Variants in CSMD3 observed in about 807,000 individuals in gnomAD.
CSMD3 encodes the protein CUB and sushi domain-containing protein 3.
In CSMD3, 177 loss-of-function variants were observed where a neutral mutation model predicts 435.2. The ratio of observed to expected loss-of-function variants is 0.41; its 90% CI spans 0.36 to 0.46. The LOEUF (loss-of-function observed/expected upper bound fraction) is 0.46. Among genes scored for constraint, CSMD3 ranks in the 20% least tolerant of loss-of-function variants. CSMD3 has a pLI of 0.34. For missense variants in CSMD3, 4,265 were observed against 4,504.6 expected (o/e 0.95, Z 1.52); for synonymous variants, 1,656 against 1,520.5 (o/e 1.09, Z -2.07).
intron 3 of CSMD3, among the ~76,000 whole-genome samples, chr8:113,247,534 A>G (rs1283412956): frequency 6.6e-6 from 1 of 152,128 alleles, no homozygotes; most frequent in African/African-American, 2.4e-5. Context: ...TTGTGAATAA[A>G]CACACCAGAT....
intron 10 of CSMD3, among the ~76,000 whole-genome samples, chr8:112,917,816 T>A (rs2082618240): frequency 6.6e-6 from 1 of 152,030 alleles, no homozygotes; most frequent in African/African-American, 2.4e-5. Flanking sequence ...CAATTTTATC[T>A]CACTCTACAT....
chr8:112,599,186 ACC>A, intron 22 of CSMD3, among the ~76,000 whole-genome samples: 2 of 147,574 alleles, frequency 1.4e-5, no homozygotes, highest in Non-Finnish European at 3.0e-5. Flanking sequence ...AAAAAAAACA[ACC>A]CCATCAAAAA....
rs2130634301 is a variant in CSMD3, at chr8:112,921,836, G to A, written c.1509-85C>T. On this transcript the variant is annotated intron_variant, in intron 9 of 70. Coordinates refer to ENST00000297405, the MANE Select transcript of CSMD3 (RefSeq NM_198123.2). Reference sequence around the variant, plus strand: ...TCACTTCTGCTGGCAATATCCAATAGGTCAAATATGTACTATAGTGACAAA... The same window carrying A: ...TCACTTCTGCTGGCAATATCCAATAAGTCAAATATGTACTATAGTGACAAA... The A allele has an allele frequency of 1.2e-5, 12 of 1,009,846 alleles. No homozygotes were observed. In the Middle Eastern group the frequency reaches 6.1e-4, roughly 52 times the overall value. The allele number at this position is 1,009,846 out of a possible 1,614,324, so 62.6% of individuals were successfully genotyped here.
At chr8:113,322,636 T>A (rs1321970091) in intron 1 of CSMD3, among the ~76,000 whole-genome samples, 1 of 152,194 alleles carries the variant, frequency 6.6e-6, no homozygotes, top group Non-Finnish European at 1.5e-5. Flanking sequence ...ACTGCTAAAA[T>A]TTTGATTGGG....
At chr8:113,146,483 C>G (rs1400196974) in intron 4 of CSMD3, among the ~76,000 whole-genome samples, 1 of 151,502 alleles carries the variant, frequency 6.6e-6, no homozygotes, top group Admixed American at 6.6e-5. Flanking sequence ...AAAAGCCTAA[C>G]TGGAATATAT....
chr8:113,410,975 A>AAGG (rs2094556984), intron 1 of CSMD3, among the ~76,000 whole-genome samples: 3 of 144,576 alleles, frequency 2.1e-5, no homozygotes, highest in African/African-American at 7.7e-5. Flanking sequence ...AGGGAGGAAG[A>AAGG]AAGGAAGGAA....
At chr8:112,341,876 G>T (rs1025231739) in intron 41 of CSMD3, among the ~76,000 whole-genome samples, 190 bp from the exon 42 acceptor site, 3 of 152,086 alleles carry the variant, frequency 2.0e-5, no homozygotes, top group African/African-American at 7.2e-5. Flanking sequence ...CAAAGTAAAA[G>T]AATACTGCTC....
intron 24 of CSMD3, among the ~76,000 whole-genome samples, chr8:112,566,800 C>T (rs1829098084): frequency 6.6e-6 from 1 of 151,992 alleles, no homozygotes; most frequent in Non-Finnish European, 1.5e-5. Context: ...ACCCCATTTG[C>T]AAAATAAGAT....
At chr8:113,024,169 T>C (rs1242671283) in intron 5 of CSMD3, among the ~76,000 whole-genome samples, 1 of 152,140 alleles carries the variant, frequency 6.6e-6, no homozygotes, top group Non-Finnish European at 1.5e-5. Context: ...GAACATTTGA[T>C]ATTTATCTTT....
intron 6 of CSMD3, among the ~76,000 whole-genome samples, chr8:112,997,810 TC>T (rs2085710662): frequency 6.6e-6 from 1 of 150,386 alleles, no homozygotes; most frequent in Admixed American, 6.7e-5. Flanking sequence ...ATTGTAATAG[TC>T]CCCCCAAAAT....
intron 10 of CSMD3, among the ~76,000 whole-genome samples, chr8:112,901,099 A>G (rs1444162650): frequency 6.6e-6 from 1 of 151,294 alleles, no homozygotes; most frequent in Non-Finnish European, 1.5e-5. Flanking sequence ...TACTAAGAAT[A>G]TAAGAAATAT....
chr8:112,564,405 C>T (rs943631710), intron 24 of CSMD3, among the ~76,000 whole-genome samples: 1 of 150,594 alleles, frequency 6.6e-6, no homozygotes. Context: ...CCTCTCCTCT[C>T]CTCTCCTTTC....
intron 28 of CSMD3, among the ~76,000 whole-genome samples, chr8:112,516,014 T>C (rs1241965269): frequency 6.6e-6 from 1 of 152,048 alleles, no homozygotes; most frequent in Non-Finnish European, 1.5e-5. Flanking sequence ...CAAGATGGGG[T>C]AAAATAAATC....
chr8:112,945,593 T>TGG (rs1222843170), intron 9 of CSMD3, among the ~76,000 whole-genome samples: 2 of 121,134 alleles, frequency 1.7e-5, no homozygotes, highest in African/African-American at 2.9e-5. Context: ...GAAATATGTG[T>TGG]GTGTGTGTGT....
intron 13 of CSMD3, among the ~76,000 whole-genome samples, chr8:112,726,109 A>G (rs996591566): frequency 3.9e-5 from 6 of 151,936 alleles, no homozygotes; most frequent in Non-Finnish European, 8.8e-5. Flanking sequence ...AAACCATCAG[A>G]TCTCTTGAGA....
Position 112,857,479 on chromosome 8 carries a change from C to T in CSMD3, c.1755+1666G>A, listed in dbSNP as rs890498434. On this transcript the variant is annotated intron_variant, in intron 11 of 70. Transcript: ENST00000297405. ...TGTTGATGACAATTACATGTAATTGCGAAGACAAAACAATATCTCCATCTC... is the reference window on the plus strand; with the variant it reads ...TGTTGATGACAATTACATGTAATTGTGAAGACAAAACAATATCTCCATCTC... Among the ~76,000 whole-genome samples the T allele has an allele frequency of 7.9e-5, 12 of 151,606 alleles. No homozygotes were observed. The South Asian group carries it at 1.0e-3, about 13-fold the overall frequency.
intron 4 of CSMD3, among the ~76,000 whole-genome samples, chr8:113,163,144 TATA>T (rs1308799780): frequency 6.6e-6 from 1 of 152,170 alleles, no homozygotes; most frequent in Non-Finnish European, 1.5e-5. Context: ...AATCTGTTGC[TATA>T]ATATTGATAT....
chr8:112,950,313 T>C (rs866324959), intron 8 of CSMD3, among the ~76,000 whole-genome samples: 1 of 151,898 alleles, frequency 6.6e-6, no homozygotes, highest in South Asian at 2.1e-4. Flanking sequence ...TTGTAGTATA[T>C]GTTTATTAAA....
intron 1 of CSMD3, among the ~76,000 whole-genome samples, chr8:113,370,488 T>C (rs1563754279): frequency 6.6e-6 from 1 of 151,738 alleles, no homozygotes; most frequent in Non-Finnish European, 1.5e-5. Flanking sequence ...AAAAGGCATA[T>C]TGTGAAAGAT....
Sources: gnomAD v4.1 joint callset for allele counts (sites outside exome capture counted in the v4.1 genomes callset) on GRCh38, gnomAD v4.1.1 for gene constraint, MANE v1.5 for transcripts, NCBI Gene and HGNC (gene_info 2026-07-23, HGNC 2026-07-21) for gene names.